The following FNBP1 variants were observed in gnomAD, a reference collection of about 807,000 sequenced individuals.
The protein encoded by FNBP1 is formin-binding protein 1.
Under a neutral mutation model 90.6 loss-of-function variants are expected in FNBP1, and 26 were observed. That is an observed-to-expected ratio of 0.29 (90% CI 0.21 to 0.40). FNBP1 has a LOEUF of 0.40. Ranked by LOEUF, FNBP1 falls within the 10% of genes least tolerant of loss-of-function variation. The pLI, the probability that FNBP1 is intolerant of heterozygous loss-of-function variation, is 1.00. For synonymous variants in FNBP1, 260 were observed against 265.2 expected, an observed-to-expected ratio of 0.98 and a Z score of 0.19; for missense variants, 635 against 768.0, an observed-to-expected ratio of 0.83 and a Z score of 2.05.
intron 6 of FNBP1, among the ~76,000 whole-genome samples, chr9:129,955,056 C>T (rs1265610740): frequency 6.6e-6 from 1 of 151,632 alleles, no homozygotes; most frequent in African/African-American, 2.4e-5. Flanking sequence ...CAATCAGGAA[C>T]AAGCTGAGGA....
chr9:130,009,011 A>G (rs1048840352), intron 1 of FNBP1, among the ~76,000 whole-genome samples: 3 of 152,238 alleles, frequency 2.0e-5, no homozygotes, highest in African/African-American at 7.2e-5. Flanking sequence ...TAAATTATTA[A>G]TGAGAAGAAA....
chr9:130,042,824 A>C lies in FNBP1; in HGVS notation c.24+128T>G. On this transcript the variant is annotated intron_variant, in intron 1 of 16. Transcript: ENST00000446176. The surrounding 1 kb of genome is among the most constrained non-coding windows in gnomAD (Gnocchi z 5.5). ...GGCATTGGAACCCCGCCTCCTCCCC[A>C]GGCCGCGAGGACCCCGACCAGCGCG... The C allele has an allele frequency of 1.8e-6, 1 of 541,914 alleles. No individual in the cohort carries two copies. Among genetic ancestry groups the C allele is most frequent in the Non-Finnish European group, 2.7e-6 (1 of 365,020 alleles). 33.6% of individuals were successfully genotyped at this position (541,914 alleles called of 1,614,324 possible).
At chr9:129,953,879 G>A (rs2046535946) in intron 6 of FNBP1, among the ~76,000 whole-genome samples, 1 of 151,820 alleles carries the variant, frequency 6.6e-6, no homozygotes, top group Admixed American at 6.6e-5. Context: ...AGAAAAGGGA[G>A]GCTCCACAAA....
chr9:130,022,484 G>C lies in FNBP1; in HGVS notation c.24+20468C>G, dbSNP rs547292875. Among the ~76,000 whole-genome samples, 29 of 152,340 alleles carry C rather than the reference G, an allele frequency of 1.9e-4. 1 individual carries two copies. Among genetic ancestry groups the C allele is most frequent in the African/African-American group, 7.0e-4 (29 of 41,580 alleles). On this transcript the variant is annotated intron_variant, in intron 1 of 16. Coordinates refer to ENST00000446176, the MANE Select transcript of FNBP1 (RefSeq NM_015033.3). ...GGCCTTCCGAAGTGCTGGGATTACA[G>C]GGGTAAGCCACCGTGCCCGACCTTA...
At chr9:129,967,452 T>A (rs889270160) in intron 4 of FNBP1, among the ~76,000 whole-genome samples, 1 of 152,094 alleles carries the variant, frequency 6.6e-6, no homozygotes, top group African/African-American at 2.4e-5. Context: ...GAGGCGGAAC[T>A]TGCAGAGAGC....
chr9:130,008,166 G>A (rs991088457), intron 1 of FNBP1, among the ~76,000 whole-genome samples: 8 of 151,478 alleles, frequency 5.3e-5, no homozygotes, highest in African/African-American at 1.9e-4. Context: ...GCAACATGGC[G>A]AGACCCACTC....
At chr9:130,036,767 C>T (rs570129987) in intron 1 of FNBP1, among the ~76,000 whole-genome samples, 16 of 152,104 alleles carry the variant, frequency 1.1e-4, no homozygotes, top group Non-Finnish European at 2.1e-4. Context: ...AGCAGTAGGC[C>T]GGGCGCAGTG....
intron 1 of FNBP1, among the ~76,000 whole-genome samples, chr9:130,033,783 G>A (rs2059024836): frequency 6.7e-6 from 1 of 149,114 alleles, no homozygotes; most frequent in African/African-American, 2.5e-5. Context: ...ACGAGGTCAG[G>A]AGAGTGAGAC....
intron 2 of FNBP1, among the ~76,000 whole-genome samples, chr9:129,984,398 C>T (rs1181120139): frequency 6.6e-6 from 1 of 152,192 alleles, no homozygotes; most frequent in Non-Finnish European, 1.5e-5. Flanking sequence ...TCCTCCCCAT[C>T]ACAGGAAGGG....
intron 10 of FNBP1, among the ~76,000 whole-genome samples, chr9:129,920,246 A>AT (rs1288133052): frequency 6.6e-6 from 1 of 152,068 alleles, no homozygotes; most frequent in African/African-American, 2.4e-5. Context: ...TAAAACAGAG[A>AT]TTTTCCTTTA....
chr9:130,010,940 T>A (rs993743117), intron 1 of FNBP1, among the ~76,000 whole-genome samples: 2 of 151,216 alleles, frequency 1.3e-5, no homozygotes, highest in Non-Finnish European at 2.9e-5. Flanking sequence ...GGGCTCAAGA[T>A]AGACATGGGA....
At chr9:130,009,436 C>A (rs548494099) in intron 1 of FNBP1, among the ~76,000 whole-genome samples, 1 of 152,018 alleles carries the variant, frequency 6.6e-6, no homozygotes, top group Non-Finnish European at 1.5e-5. Context: ...CCGAGGCAAG[C>A]GGATCACTTG....
At chr9:129,981,444 CTTG>C (rs752192060) in intron 2 of FNBP1, among the ~76,000 whole-genome samples, 1 of 152,186 alleles carries the variant, frequency 6.6e-6, no homozygotes, top group Non-Finnish European at 1.5e-5. Flanking sequence ...TCCTCACTTC[CTTG>C]TTAATTCCCT....
At chr9:129,996,014 C>T (rs1374982381) in intron 1 of FNBP1, among the ~76,000 whole-genome samples, 6 of 152,038 alleles carry the variant, frequency 3.9e-5, no homozygotes, top group South Asian at 4.1e-4. Context: ...TGTGAGTGGC[C>T]GGTTGGACGT....
chr9:130,045,325 A>G (rs1159677561), upstream of FNBP1, among the ~76,000 whole-genome samples: 1 of 152,236 alleles, frequency 6.6e-6, no homozygotes, highest in Non-Finnish European at 1.5e-5. Flanking sequence ...TGGAAACGGT[A>G]CATGCAATGC....
intron 1 of FNBP1, among the ~76,000 whole-genome samples, chr9:130,004,018 A>C (rs1293505871): frequency 1.3e-5 from 2 of 151,898 alleles, no homozygotes; most frequent in African/African-American, 4.8e-5. Flanking sequence ...ATTTACTTTG[A>C]GATGAGGAGA....
At position 129,978,621 on chromosome 9, in the gene FNBP1, C is replaced by T. The variant is rs115241788; in HGVS notation, c.198-9G>A. 1 of 1,612,610 alleles carries T rather than the reference C, an allele frequency of 6.2e-7. No homozygotes were observed. Among genetic ancestry groups the T allele is most frequent in the Admixed American group, 1.7e-5 (1 of 59,862 alleles). On this transcript the variant is annotated splice_polypyrimidine_tract_variant and intron_variant, in intron 3 of 16. Coordinates refer to ENST00000446176, the MANE Select transcript of FNBP1 (RefSeq NM_015033.3). The stretch of plus-strand genomic sequence containing the variant: ...CTTTACATGACGTATACCTATGGAA[C>T]AGAACACACGCCACTCTGTTTCACA...
chr9:129,999,092 A>G (rs1818042197), intron 1 of FNBP1, among the ~76,000 whole-genome samples: 1 of 152,212 alleles, frequency 6.6e-6, no homozygotes, highest in African/African-American at 2.4e-5. Flanking sequence ...TGAAAAACGA[A>G]TCAACCCACT....
At chr9:130,007,051 T>C (rs80075745) in intron 1 of FNBP1, among the ~76,000 whole-genome samples, 11,986 of 150,038 alleles carry the variant, frequency 0.08, 625 homozygotes, top group East Asian at 0.15. Context: ...CTCGGCAACA[T>C]AGCAAGACCC....
Sources: allele counts gnomAD v4.1 joint callset (sites outside exome capture counted in the v4.1 genomes callset), GRCh38; gene constraint gnomAD v4.1.1; non-coding constraint Gnocchi (gnomAD v3.1); transcripts MANE v1.5; gene names NCBI Gene and HGNC (gene_info 2026-07-23, HGNC 2026-07-21).